The following MAST4 variants were observed in gnomAD, a reference collection of about 807,000 sequenced individuals.
MAST4 encodes microtubule-associated serine/threonine-protein kinase 4.
A neutral mutation model predicts 162.7 loss-of-function variants in MAST4; 89 were observed. That is an observed-to-expected ratio of 0.55 (90% CI 0.46 to 0.65). The LOEUF is 0.65. Ranked by LOEUF, MAST4 falls within the 30% of genes least tolerant of loss-of-function variation. MAST4 has a pLI of 0.00. For synonymous variants in MAST4, 1,479 were observed against 1,361.1 expected (o/e 1.09, Z -1.91); for missense variants, 3,153 against 3,374.0 (o/e 0.93, Z 1.62).
intron 4 of MAST4, among the ~76,000 whole-genome samples, chr5:67,011,912 T>C (rs942666078): frequency 6.6e-6 from 1 of 152,106 alleles, no homozygotes; most frequent in Non-Finnish European, 1.5e-5. Context: ...GTGCAAAAAG[T>C]AGATTTCAAA....
At chr5:67,101,176 T>C (rs1416898816) in intron 8 of MAST4, among the ~76,000 whole-genome samples, 3 of 152,182 alleles carry the variant, frequency 2.0e-5, no homozygotes, top group Non-Finnish European at 4.4e-5. Context: ...TCAGCATGTT[T>C]CTTAGGGAGT....
At chr5:66,809,386 G>A (rs1304874212) in intron 3 of MAST4, among the ~76,000 whole-genome samples, 2 of 152,284 alleles carry the variant, frequency 1.3e-5, no homozygotes, top group African/African-American at 4.8e-5. Flanking sequence ...GTTGTGATTG[G>A]CAGTTGATCA....
chr5:66,956,956 G>A (rs2150146337), intron 4 of MAST4, among the ~76,000 whole-genome samples: 1 of 152,264 alleles, frequency 6.6e-6, no homozygotes, highest in East Asian at 1.9e-4. Context: ...TGGCATTCTG[G>A]ATATTTTACA....
At position 67,152,616 on chromosome 5, in the gene MAST4, T is replaced by C. The variant is rs191581855; in HGVS notation, c.3296-21T>C. The C allele has an allele frequency of 2.4e-3, 3,886 of 1,606,814 alleles. 14 individuals are homozygous for C. The highest frequency in any genetic ancestry group is 2.9e-3 in the Non-Finnish European group (3,410 of 1,173,460). ...CTTGTGTGAGCCACATGGGCTTTGA[T>C]GACTGGCTTCTTTGTTACAGATATG... On this transcript the variant is annotated intron_variant, in intron 24 of 28. Coordinates refer to ENST00000403625, the MANE Select transcript of MAST4 (RefSeq NM_001164664.2).
At chr5:66,796,644 C>A (rs1335099771) in intron 3 of MAST4, among the ~76,000 whole-genome samples, 3 of 152,128 alleles carry the variant, frequency 2.0e-5, no homozygotes, top group Admixed American at 1.3e-4. Flanking sequence ...TAATTGTTTA[C>A]CATCACAGAG....
intron 1 of MAST4, among the ~76,000 whole-genome samples, chr5:66,708,672 AGCT>A (rs1750301331): frequency 6.6e-6 from 1 of 152,146 alleles, no homozygotes; most frequent in African/African-American, 2.4e-5. Context: ...GGTGATAGTG[AGCT>A]GCATGTTTGG....
intron 4 of MAST4, among the ~76,000 whole-genome samples, chr5:66,900,941 T>C (rs1762971106): frequency 6.6e-6 from 1 of 152,126 alleles, no homozygotes; most frequent in Non-Finnish European, 1.5e-5. Context: ...AGACACTGGA[T>C]TATTATTTTC....
chr5:66,788,571 A>C (rs772892770), intron 2 of MAST4, 99 bp from the exon 3 acceptor site: 2 of 1,347,782 alleles, frequency 1.5e-6, no homozygotes, highest in Non-Finnish European at 2.1e-6. Flanking sequence ...AATACAGAAC[A>C]AGGTTGGCCA....
intron 1 of MAST4, among the ~76,000 whole-genome samples, chr5:66,639,185 A>G (rs1745317293): frequency 6.6e-6 from 1 of 152,148 alleles, no homozygotes; most frequent in African/African-American, 2.4e-5. Flanking sequence ...GGAACTGAGG[A>G]AAAACCTAGA....
chr5:67,144,861 G>A (rs1770870074), intron 22 of MAST4, 65 bp downstream of exon 22: 2 of 1,525,404 alleles, frequency 1.3e-6, no homozygotes, highest in Non-Finnish European at 1.8e-6. Context: ...TTAAACTTTA[G>A]TGAGCATCAG....
At chr5:66,908,868 C>G (rs1763555540) in intron 4 of MAST4, among the ~76,000 whole-genome samples, 1 of 152,158 alleles carries the variant, frequency 6.6e-6, no homozygotes, top group Non-Finnish European at 1.5e-5. Context: ...ACCTTAACCT[C>G]TATGTGCCTT....
chr5:67,152,585 T>C, intron 24 of MAST4, 52 bp from the exon 25 acceptor site: 2 of 1,498,120 alleles, frequency 1.3e-6, no homozygotes, highest in East Asian at 2.3e-5. Context: ...GTTGCCTGCA[T>C]GGATGCTTGT....
At chr5:67,069,312 A>ATAT (rs1561606003) in intron 5 of MAST4, among the ~76,000 whole-genome samples, 5 of 134,034 alleles carry the variant, frequency 3.7e-5, no homozygotes, top group African/African-American at 1.1e-4. Context: ...ATATATATAT[A>ATAT]AAATTTTAAA....
At chr5:66,925,085 C>G (rs1232184470) in intron 4 of MAST4, among the ~76,000 whole-genome samples, 1 of 152,124 alleles carries the variant, frequency 6.6e-6, no homozygotes, top group Admixed American at 6.5e-5. Flanking sequence ...TTTCTATATA[C>G]TTTTAGACTT....
chr5:67,006,131 A>C (rs896765606), intron 4 of MAST4, among the ~76,000 whole-genome samples: 1 of 152,332 alleles, frequency 6.6e-6, no homozygotes, highest in Non-Finnish European at 1.5e-5. Flanking sequence ...CATTTCAGAA[A>C]CATCCTGGAA....
chr5:67,078,911 A>AATATATATATAT (rs750951069), intron 5 of MAST4, among the ~76,000 whole-genome samples: 1 of 38,100 alleles, frequency 2.6e-5, no homozygotes, highest in Admixed American at 4.0e-4. Flanking sequence ...TTTTTATATA[A>AATATATATATAT]ATATATATAT....
intron 2 of MAST4, among the ~76,000 whole-genome samples, chr5:66,787,332 G>C (rs914927005): frequency 3.3e-5 from 5 of 152,192 alleles, no homozygotes; most frequent in Non-Finnish European, 5.9e-5. Context: ...TTTTTCTCCA[G>C]AGTCTGTGCT....
chr5:67,099,842 C>T (rs1366493440), intron 7 of MAST4, among the ~76,000 whole-genome samples: 1 of 151,602 alleles, frequency 6.6e-6, no homozygotes, highest in African/African-American at 2.4e-5. Flanking sequence ...GTTATAATCT[C>T]AGCCCCCTAC....
intron 1 of MAST4, among the ~76,000 whole-genome samples, chr5:66,747,408 T>C (rs1177191705): frequency 6.6e-6 from 1 of 152,194 alleles, no homozygotes; most frequent in African/African-American, 2.4e-5. Context: ...GAAAATGATA[T>C]TGGTATCTAG....
Sources: allele counts gnomAD v4.1 joint callset (sites outside exome capture counted in the v4.1 genomes callset), GRCh38; gene constraint gnomAD v4.1.1; transcripts MANE v1.5; gene names NCBI Gene and HGNC (gene_info 2026-07-23, HGNC 2026-07-21).